Variants in PCSK6 observed in about 807,000 individuals in gnomAD.
PCSK6 encodes the protein paired basic amino acid cleaving enzyme 4.
In PCSK6, 85 loss-of-function variants were observed where a neutral mutation model predicts 123.3. The observed-to-expected ratio is 0.69, with a 90% CI of 0.58 to 0.83. The LOEUF is 0.83. Among genes scored for constraint, PCSK6 ranks in the 40% least tolerant of loss-of-function variants. PCSK6 has a pLI of 0.00. For synonymous variants in PCSK6, 508 were observed against 516.0 expected, an observed-to-expected ratio of 0.98 and a Z score of 0.21; for missense variants, 1,191 against 1,282.3, an observed-to-expected ratio of 0.93 and a Z score of 1.09.
intron 2 of PCSK6, among the ~76,000 whole-genome samples, chr15:101,441,016 C>A (rs935356395): frequency 2.0e-5 from 3 of 152,228 alleles, no homozygotes; most frequent in African/African-American, 7.2e-5. Context: ...ATCAGCCAAT[C>A]CTAGGAACGT....
At position 101,305,166 on chromosome 15, in the gene PCSK6, C is replaced by A. The variant is rs1230474525; in HGVS notation, c.*92G>T. Reference sequence around the variant, plus strand: ...GATAAAGCTGTCAGGTGCAGGGCGCCGCTCCTGAAACAGACTCTGGCCGAC... The same window carrying A: ...GATAAAGCTGTCAGGTGCAGGGCGCAGCTCCTGAAACAGACTCTGGCCGAC... On this transcript the variant is annotated 3_prime_UTR_variant, in exon 22 of 22. Transcript: ENST00000611716. The surrounding 1 kb of genome is among the most constrained non-coding windows in gnomAD (Gnocchi z 4.8). 16 of 1,069,906 alleles carry A rather than the reference C, an allele frequency of 1.5e-5. No homozygotes were observed. Among genetic ancestry groups the A allele is most frequent in the Non-Finnish European group, 2.1e-5 (15 of 722,994 alleles). 66.3% of individuals were successfully genotyped at this position (1,069,906 alleles called of 1,614,324 possible). A position where few individuals can be genotyped will look rare whatever the true frequency, so the allele number is the denominator to read the frequency against.
intron 1 of PCSK6, among the ~76,000 whole-genome samples, chr15:101,456,840 G>C (rs2057196567): frequency 6.6e-6 from 1 of 152,174 alleles, no homozygotes; most frequent in African/African-American, 2.4e-5. Flanking sequence ...GGGACCCCAG[G>C]CCTTGCCTTG....
Position 101,324,962 on chromosome 15 carries a change from G to A in PCSK6, c.2265C>T (p.Thr755=). 1 of 1,613,280 alleles carries A rather than the reference G, an allele frequency of 6.2e-7. No individual in the cohort carries two copies. Among genetic ancestry groups the A allele is most frequent in the South Asian group, 1.1e-5 (1 of 91,086 alleles). ...ACTGCGTCGCAGCTCTGCTGGAGCAGGTCTCACACCCCTTGTGGCACCGGC... is the reference window on the plus strand; with the variant it reads ...ACTGCGTCGCAGCTCTGCTGGAGCAAGTCTCACACCCCTTGTGGCACCGGC... The part of the protein sequence containing the change: ...RCRRCHKGCE[T]CSSRAATQCL... The change falls in exon 17 of 22, where the codon ACC becomes ACT. Residue 755 remains threonine (T), a synonymous_variant. Coordinates refer to ENST00000611716, the MANE Select transcript of PCSK6 (RefSeq NM_002570.5).
chr15:101,332,519 C>T (rs1488737097), intron 13 of PCSK6, among the ~76,000 whole-genome samples: 1 of 152,228 alleles, frequency 6.6e-6, no homozygotes, highest in Non-Finnish European at 1.5e-5. Flanking sequence ...TGTTTGGATC[C>T]TTGATCCTAG....
intron 9 of PCSK6, among the ~76,000 whole-genome samples, chr15:101,386,993 T>C (rs1483853109): frequency 5.9e-5 from 9 of 152,206 alleles, no homozygotes. Context: ...CCCATGGCGT[T>C]AAGTCTTGGG....
intron 13 of PCSK6, among the ~76,000 whole-genome samples, chr15:101,333,088 C>G (rs2040403903): frequency 6.6e-6 from 1 of 152,178 alleles, no homozygotes; most frequent in South Asian, 2.1e-4. Context: ...AGCATCTATG[C>G]AATTAATTAA....
At chr15:101,328,817 CT>C (rs1394893823) in intron 15 of PCSK6, among the ~76,000 whole-genome samples, 1 of 152,190 alleles carries the variant, frequency 6.6e-6, no homozygotes, top group East Asian at 1.9e-4. Context: ...CCCAGTATGG[CT>C]GTCCACTTGA....
intron 13 of PCSK6, among the ~76,000 whole-genome samples, chr15:101,334,004 C>A (rs75303428): frequency 0.014 from 2,131 of 152,306 alleles, 57 homozygotes; most frequent in African/African-American, 0.048. Flanking sequence ...CCTCCCTTAG[C>A]CTGGACAGGG....
Position 101,443,540 on chromosome 15 carries a change from T to A in PCSK6, c.402+16A>T. On this transcript the variant is annotated intron_variant, in intron 2 of 21. Transcript: ENST00000611716. Reference sequence around the variant, plus strand: ...AAACCCTCCAGCCCTTAGGAAAGCATCCGGACACTCTGTACCTGGGGGTCC... The same window carrying A: ...AAACCCTCCAGCCCTTAGGAAAGCAACCGGACACTCTGTACCTGGGGGTCC... 6.4e-7 allele frequency: 1 copy of A among 1,572,646 alleles called. No individual in the cohort carries two copies.
At chr15:101,309,748 G>A (rs183672875) in intron 20 of PCSK6, among the ~76,000 whole-genome samples, 187 of 152,360 alleles carry the variant, frequency 1.2e-3, no homozygotes, top group African/African-American at 4.3e-3. Context: ...CTCCCCCGCT[G>A]GCAAGCACTC....
Position 101,393,231 on chromosome 15 carries a change from G to A in PCSK6, c.1190C>T (p.Ala397Val). ...ACTTACGATTTTTCGCTCATAAAAG[G>A]CCCCACTGCTGTAGGTGGTGGCCAG... Reference protein sequence around the residue: ...STLATTYSSGAFYERKIVTTD... With the variant: ...STLATTYSSGVFYERKIVTTD... The change falls in exon 8 of 22, where the codon GCC becomes GTC. Residue 397 changes from alanine (A) to valine (V), a missense_variant. Transcript: ENST00000611716. 2.5e-6 allele frequency: 4 copies of A among 1,613,368 alleles called. No individual in the cohort carries two copies. The highest frequency in any genetic ancestry group is 3.4e-6 in the Non-Finnish European group (4 of 1,179,752).
At position 101,324,751 on chromosome 15, in the gene PCSK6, G is replaced by A. The variant is rs565955688; in HGVS notation, c.2377+99C>T. 1,349 of 1,006,682 alleles carry A rather than the reference G, an allele frequency of 1.3e-3. 1 individual carries two copies. Among genetic ancestry groups the A allele is most frequent in the Non-Finnish European group, 1.7e-3 (1,179 of 677,646 alleles). 62.4% of individuals were successfully genotyped at this position (1,006,682 alleles called of 1,614,324 possible). ...CCTTACTCAGAACAACAAAATACACGGAAGCAGAAGGCTGGGAAATTCTCC... is the reference window on the plus strand; with the variant it reads ...CCTTACTCAGAACAACAAAATACACAGAAGCAGAAGGCTGGGAAATTCTCC... On this transcript the variant is annotated intron_variant, in intron 17 of 21. Coordinates refer to ENST00000611716, the MANE Select transcript of PCSK6 (RefSeq NM_002570.5).
At chr15:101,432,376 A>ACAGGCTCCCT (rs2056474040) in intron 2 of PCSK6, among the ~76,000 whole-genome samples, 1 of 150,156 alleles carries the variant, frequency 6.7e-6, no homozygotes, top group African/African-American at 2.5e-5. Flanking sequence ...TCATCCCAGC[A>ACAGGCTCCCT]CGTTGGGAGG....
intron 6 of PCSK6, among the ~76,000 whole-genome samples, chr15:101,422,775 C>T (rs1008452866): frequency 1.8e-4 from 27 of 152,274 alleles, no homozygotes; most frequent in African/African-American, 6.0e-4. Context: ...GCGCCCGCCA[C>T]CGCGCCCGGC....
chr15:101,463,677 CTG>C lies in PCSK6; in HGVS notation c.298-20019_298-20018del, dbSNP rs898333212. On this transcript the variant is annotated intron_variant, in intron 1 of 21. Transcript: ENST00000611716. Reference sequence around the variant, plus strand: ...CCTTTCTGGGTGTGAGGGTGTGAGTCTGTGTGTGTGAATAAGGATAATCCACA... The same window carrying C: ...CCTTTCTGGGTGTGAGGGTGTGAGTCTGTGTGTGAATAAGGATAATCCACA... 3.9e-5 allele frequency among the ~76,000 whole-genome samples: 6 copies of C among 152,152 alleles called. No homozygotes were observed. The South Asian group carries it at 6.2e-4, about 16-fold the overall frequency.
chr15:101,402,911 C>T (rs1409469597), intron 6 of PCSK6, among the ~76,000 whole-genome samples: 1 of 152,080 alleles, frequency 6.6e-6, no homozygotes, highest in African/African-American at 2.4e-5. Flanking sequence ...CCCAGCCATC[C>T]CATTACTGGG....
intron 1 of PCSK6, among the ~76,000 whole-genome samples, chr15:101,484,219 G>A (rs939738706): frequency 6.6e-6 from 1 of 152,122 alleles, no homozygotes; most frequent in Non-Finnish European, 1.5e-5. Context: ...TTGTAAAGCA[G>A]TACACTGCAG....
chr15:101,428,066 G>C (rs369369167), intron 5 of PCSK6, 86 bp from the exon 6 acceptor site: 13 of 1,097,308 alleles, frequency 1.2e-5, no homozygotes, highest in African/African-American at 4.6e-5. Flanking sequence ...TGCAACAAGA[G>C]AGTCAGTTGT....
In PCSK6 at chr15:101,346,290, G is replaced by A. The variant is rs2040726539; in HGVS notation, c.1859-14259C>T. 3 of 152,226 alleles carry A rather than the reference G, an allele frequency of 2.0e-5. No homozygotes were observed. The South Asian group carries it at 6.2e-4, about 32-fold the overall frequency. 9.4% of individuals were successfully genotyped at this position (152,226 alleles called of 1,614,324 possible). ...CGCTCATAATAGGAAAAAATGGAAA[G>A]CAATCTACATGTCCAACAATAGAGA... On this transcript the variant is annotated intron_variant, in intron 13 of 21. Coordinates refer to ENST00000611716, the MANE Select transcript of PCSK6 (RefSeq NM_002570.5).
Sources: gnomAD v4.1 joint callset for allele counts (sites outside exome capture counted in the v4.1 genomes callset) on GRCh38, gnomAD v4.1.1 for gene constraint, Gnocchi (gnomAD v3.1) non-coding constraint, MANE v1.5 for transcripts, NCBI Gene and HGNC (gene_info 2026-07-23, HGNC 2026-07-21) for gene names.